Variants in STPG2 observed in about 807,000 individuals in gnomAD.
STPG2 encodes the protein sperm tail PG-rich repeat containing 2, also known as sperm-tail PG-rich repeat-containing protein 2.
In STPG2, 56 loss-of-function variants were observed where a neutral mutation model predicts 54.2. That is an observed-to-expected ratio of 1.03 (90% CI 0.83 to 1.29). The LOEUF (loss-of-function observed/expected upper bound fraction) is 1.29. Ranked by LOEUF, STPG2 falls within the 50% of genes most tolerant of loss-of-function variation. The pLI is 0.00. For synonymous variants in STPG2, 200 were observed against 181.8 expected (o/e 1.10, Z -0.81); for missense variants, 596 against 544.9 (o/e 1.09, Z -0.93).
chr4:97,460,437 T>A (rs1729634718), intron 4 of STPG2, among the ~76,000 whole-genome samples: 1 of 152,094 alleles, frequency 6.6e-6, no homozygotes, highest in Middle Eastern at 3.4e-3. Context: ...TTTTTTTTTA[T>A]TTTTATTTTT....
At chr4:97,906,142 G>A (rs548771467) in intron 8 of STPG2, among the ~76,000 whole-genome samples, 10 of 152,122 alleles carry the variant, frequency 6.6e-5, no homozygotes, top group African/African-American at 9.7e-5. Context: ...GAAAAAAAGA[G>A]AGAAGAATCA....
Position 97,535,204 on chromosome 4 carries a change from G to A in STPG2, c.462+177495C>T, listed in dbSNP as rs571240312. On this transcript the variant is annotated intron_variant, in intron 4 of 4. Coordinates refer to the STPG2 transcript ENST00000522676. ...ATATTTAATTTTATAAAATACTGCCGACTGTTTTTGTTAAGTGGCTGTATT... is the reference window on the plus strand; with the variant it reads ...ATATTTAATTTTATAAAATACTGCCAACTGTTTTTGTTAAGTGGCTGTATT... 5.3e-5 allele frequency among the ~76,000 whole-genome samples: 8 copies of A among 152,166 alleles called. No homozygotes were observed. In the South Asian group the frequency reaches 6.2e-4, roughly 12 times the overall value.
At chr4:97,955,406 G>A (rs376820851) in intron 7 of STPG2, among the ~76,000 whole-genome samples, 6 of 151,938 alleles carry the variant, frequency 3.9e-5, no homozygotes, top group East Asian at 1.9e-4. Context: ...TAGTAGAGAC[G>A]GGGTTTCACT....
At chr4:97,977,913 G>A (rs543116512) in intron 6 of STPG2, among the ~76,000 whole-genome samples, 78 of 152,282 alleles carry the variant, frequency 5.1e-4, no homozygotes, top group African/African-American at 1.7e-3. Flanking sequence ...CGGGGAAAAC[G>A]TTATTAGAGC....
At chr4:97,506,185 C>G (rs1426986379) in intron 4 of STPG2, among the ~76,000 whole-genome samples, 1 of 151,906 alleles carries the variant, frequency 6.6e-6, no homozygotes. Flanking sequence ...CCTACTTTAG[C>G]TGCCTACAAT....
In STPG2 at chr4:97,661,090, A is replaced by G. The variant is rs150717382; in HGVS notation, c.1320+51609T>C. On this transcript the variant is annotated intron_variant, in intron 10 of 10. Coordinates refer to ENST00000295268, the MANE Select transcript of STPG2 (RefSeq NM_174952.3). Reference sequence around the variant, plus strand: ...ACAAATGACTTAAATGCCAACTAATAGTAAATGATGAAAGAAATCCCAGAT... The same window carrying G: ...ACAAATGACTTAAATGCCAACTAATGGTAAATGATGAAAGAAATCCCAGAT... Among the ~76,000 whole-genome samples, 307 of 152,304 alleles carry G rather than the reference A, an allele frequency of 2.0e-3. 1 individual carries two copies. The highest frequency in any genetic ancestry group is 6.9e-3 in the African/African-American group (287 of 41,582).
At chr4:97,580,227 A>G (rs1732828819) in intron 10 of STPG2, among the ~76,000 whole-genome samples, 1 of 151,988 alleles carries the variant, frequency 6.6e-6, no homozygotes, top group Non-Finnish European at 1.5e-5. Flanking sequence ...TAAAGTCATA[A>G]GACAGCGTTA....
intron 10 of STPG2, among the ~76,000 whole-genome samples, chr4:97,606,156 G>T (rs1733587101): frequency 6.6e-6 from 1 of 151,806 alleles, no homozygotes; most frequent in African/African-American, 2.4e-5. Flanking sequence ...ATCACGTGGG[G>T]CATTTTGTGA....
At chr4:97,767,113 A>C (rs1466611413) in intron 9 of STPG2, among the ~76,000 whole-genome samples, 1 of 152,138 alleles carries the variant, frequency 6.6e-6, no homozygotes, top group Non-Finnish European at 1.5e-5. Flanking sequence ...AGTCACAGTT[A>C]TTTTATGACT....
At position 97,526,163 on chromosome 4, in the gene STPG2, T is replaced by C. The variant is rs1731276536; in HGVS notation, c.462+186536A>G. Among the ~76,000 whole-genome samples the C allele has an allele frequency of 2.0e-5, 3 of 152,036 alleles. 1 individual carries two copies. The South Asian group carries it at 6.2e-4, about 32-fold the overall frequency. ...ATTAATTTGCAGGGTCCTTCAAAGT[T>C]ATTAAAAGTTAACTAATATAAACTG... is the stretch of plus-strand genomic sequence containing the variant. On this transcript the variant is annotated intron_variant, in intron 4 of 4. Coordinates refer to the STPG2 transcript ENST00000522676.
intron 8 of STPG2, among the ~76,000 whole-genome samples, chr4:97,851,637 T>C (rs2149131393): frequency 6.6e-6 from 1 of 152,282 alleles, no homozygotes; most frequent in East Asian, 1.9e-4. Flanking sequence ...TCAGAAACGA[T>C]ATAGAAGTAG....
chr4:98,042,700 A>T (rs1221995063), intron 5 of STPG2, among the ~76,000 whole-genome samples: 1 of 144,560 alleles, frequency 6.9e-6, no homozygotes, highest in Non-Finnish European at 1.5e-5. Context: ...TCAAAAATTT[A>T]TTGAAACTTC....
Position 98,021,787 on chromosome 4 carries a change from CT to C in STPG2, c.613-40470del, listed in dbSNP as rs1474805746. 7.9e-5 allele frequency among the ~76,000 whole-genome samples: 12 copies of C among 151,870 alleles called. No homozygotes were observed. The East Asian group carries it at 2.1e-3, about 27-fold the overall frequency. ...CATTATGTAATGGCCTTCTTTGTCT[CT>C]TTTGATCTTTGTTGGTTTAAAGTCT... On this transcript the variant is annotated intron_variant, in intron 5 of 10. Transcript: ENST00000295268.
rs112568677 is a variant in STPG2, at chr4:97,703,452, T to C, written c.1320+9247A>G. Among the ~76,000 whole-genome samples, 681 of 142,818 alleles carry C rather than the reference T, an allele frequency of 4.8e-3. 3 individuals carry two copies. The highest frequency in any genetic ancestry group is 0.016 in the African/African-American group (627 of 38,998). 93.7% of individuals were successfully genotyped at this position (142,818 alleles called of 152,430 possible). A position where few individuals can be genotyped will look rare whatever the true frequency, so the allele number is the denominator to read the frequency against. On this transcript the variant is annotated intron_variant, in intron 10 of 10. Coordinates refer to ENST00000295268, the MANE Select transcript of STPG2 (RefSeq NM_174952.3). ...TATAATATGATATATGCTATATATA[T>C]ACACACACTATATATATAGTAGTAT...
intron 10 of STPG2, among the ~76,000 whole-genome samples, chr4:97,680,517 A>T (rs1435258178): frequency 6.6e-6 from 1 of 152,122 alleles, no homozygotes; most frequent in Non-Finnish European, 1.5e-5. Flanking sequence ...TATCAGCTTA[A>T]GGAGATTTTG....
chr4:97,567,916 T>G (rs1244620029), intron 10 of STPG2, among the ~76,000 whole-genome samples: 1 of 152,112 alleles, frequency 6.6e-6, no homozygotes, highest in Non-Finnish European at 1.5e-5. Context: ...ATCAAGAAAT[T>G]ATTTACCTAC....
intron 8 of STPG2, among the ~76,000 whole-genome samples, chr4:97,848,343 G>A (rs1266347771): frequency 6.6e-6 from 1 of 151,990 alleles, no homozygotes; most frequent in African/African-American, 2.4e-5. Flanking sequence ...GCTTACATAA[G>A]GGCAAGAAAA....
chr4:97,936,956 A>G (rs1732765787), intron 8 of STPG2, among the ~76,000 whole-genome samples: 1 of 152,056 alleles, frequency 6.6e-6, no homozygotes, highest in Admixed American at 6.6e-5. Flanking sequence ...CTCCTGGATG[A>G]TATCCTGAAC....
intron 9 of STPG2, among the ~76,000 whole-genome samples, chr4:97,781,542 A>G (rs1249221995): frequency 1.3e-5 from 2 of 152,236 alleles, no homozygotes; most frequent in Non-Finnish European, 2.9e-5. Context: ...AAACTATTCC[A>G]ATCAATAGAA....
Sources: allele counts gnomAD v4.1 joint callset (sites outside exome capture counted in the v4.1 genomes callset), GRCh38; gene constraint gnomAD v4.1.1; transcripts MANE v1.5; gene names NCBI Gene and HGNC (gene_info 2026-07-23, HGNC 2026-07-21).